CDK14: variants seen among roughly 807,000 people sequenced by gnomAD.
The protein encoded by CDK14 is cyclin dependent kinase 14.
A neutral mutation model predicts 60.7 loss-of-function variants in CDK14; 34 were observed. That is an observed-to-expected ratio of 0.56 (90% CI 0.43 to 0.75). The LOEUF (loss-of-function observed/expected upper bound fraction) is 0.75, where lower values mean the gene tolerates loss of function less well. CDK14 is among the 30% of genes least tolerant of loss of function. The probability of loss-of-function intolerance (pLI) is 0.00; values close to 1 mark genes in which losing one functional copy is unlikely to be tolerated. For synonymous variants in CDK14, 197 were observed against 203.7 expected, an observed-to-expected ratio of 0.97 and a Z score of 0.28; for missense variants, 482 against 564.1, an observed-to-expected ratio of 0.85 and a Z score of 1.47.
At chr7:90,936,041 T>TA (rs11444141) in intron 8 of CDK14, among the ~76,000 whole-genome samples, 23,045 of 146,164 alleles carry the variant, frequency 0.16, 2,015 homozygotes, top group Middle Eastern at 0.28. Context: ...GACCCTGTCT[T>TA]AAAAAAAAAA....
At chr7:90,983,456 G>C (rs1379504330) in intron 9 of CDK14, among the ~76,000 whole-genome samples, 1 of 152,094 alleles carries the variant, frequency 6.6e-6, no homozygotes, top group Non-Finnish European at 1.5e-5. Flanking sequence ...GAGACGGGCG[G>C]ATCACAAGGT....
At position 90,726,917 on chromosome 7, in the gene CDK14, T is replaced by G. The variant is rs1802657890; in HGVS notation, c.369+105T>G. 1.6e-5 allele frequency: 21 copies of G among 1,328,142 alleles called. No individual in the cohort carries two copies. In the South Asian group the frequency reaches 2.9e-4, roughly 19 times the overall value. The allele number at this position is 1,328,142 out of a possible 1,614,324, so 82.3% of individuals were successfully genotyped here. A position where few individuals can be genotyped will look rare whatever the true frequency, so the allele number is the denominator to read the frequency against. ...GCAGGAAACTTTATCAGTGCCTTATTATGCATTCTCTCCCAGGGTGGTTGA... is the reference window on the plus strand; with the variant it reads ...GCAGGAAACTTTATCAGTGCCTTATGATGCATTCTCTCCCAGGGTGGTTGA... On this transcript the variant is annotated intron_variant, in intron 3 of 14. Coordinates refer to ENST00000380050, the MANE Select transcript of CDK14 (RefSeq NM_001287135.2).
intron 7 of CDK14, among the ~76,000 whole-genome samples, chr7:90,909,562 A>AT (rs1312209669): frequency 4.0e-5 from 6 of 151,886 alleles, no homozygotes; most frequent in African/African-American, 1.5e-4. Context: ...CACTTGACTT[A>AT]TTATAAGTCT....
intron 14 of CDK14, among the ~76,000 whole-genome samples, chr7:91,188,283 C>T (rs968219302): frequency 2.6e-5 from 4 of 152,074 alleles, no homozygotes; most frequent in Admixed American, 1.3e-4. Flanking sequence ...TATGTTAACT[C>T]ATACCCTTTA....
intron 14 of CDK14, among the ~76,000 whole-genome samples, chr7:91,197,398 T>A (rs1179273216): frequency 1.1e-5 from 1 of 90,786 alleles, no homozygotes; most frequent in Non-Finnish European, 2.6e-5. Flanking sequence ...AGAGACTCTG[T>A]CTCAAAAAAA....
intron 2 of CDK14, chr7:90,710,481 G>C: frequency 1.0e-6 from 1 of 985,054 alleles, no homozygotes; most frequent in Non-Finnish European, 1.2e-6. Context: ...GAGACCTGGG[G>C]CTTCCTCCCT....
At chr7:90,650,426 G>A (rs1313343032) in intron 2 of CDK14, among the ~76,000 whole-genome samples, 1 of 152,098 alleles carries the variant, frequency 6.6e-6, no homozygotes, top group African/African-American at 2.4e-5. Flanking sequence ...CACTCTGATG[G>A]TAGTTTCTTT....
chr7:90,716,026 C>CT (rs1427839289), intron 2 of CDK14, among the ~76,000 whole-genome samples: 2 of 151,920 alleles, frequency 1.3e-5, no homozygotes, highest in African/African-American at 4.8e-5. Flanking sequence ...ACTCCTGACT[C>CT]TGTCTTTTTT....
intron 2 of CDK14, among the ~76,000 whole-genome samples, chr7:90,677,744 G>T (rs1801230946): frequency 6.6e-6 from 1 of 151,966 alleles, no homozygotes; most frequent in African/African-American, 2.4e-5. Flanking sequence ...TTGATGTTTT[G>T]GTGTCTAAAA....
At chr7:91,044,862 G>A (rs888997871) in intron 10 of CDK14, among the ~76,000 whole-genome samples, 1 of 152,128 alleles carries the variant, frequency 6.6e-6, no homozygotes, top group African/African-American at 2.4e-5. Context: ...CCACATGGCT[G>A]GAGCCTCCCT....
chr7:90,702,340 T>C (rs573772331), intron 2 of CDK14, among the ~76,000 whole-genome samples: 31 of 152,184 alleles, frequency 2.0e-4, no homozygotes, highest in Non-Finnish European at 4.6e-4. Flanking sequence ...ATTTCAGAGT[T>C]GTTAATATCC....
At position 90,630,881 on chromosome 7, in the gene CDK14, G is replaced by GGTGTGTGTGT. The variant is rs1160442832; in HGVS notation, c.123+26638_123+26639insGTGTGTGTGT. ...TTATCTCTGAGTATTTACATCTTGG[G>GGTGTGTGTGT]GTGTGTATGTGTGTGTGTGTGTGTG... On this transcript the variant is annotated intron_variant, in intron 2 of 14. Transcript: ENST00000380050. Among the ~76,000 whole-genome samples, 122 of 78,886 alleles carry GGTGTGTGTGT rather than the reference G, an allele frequency of 1.5e-3. No individual in the cohort carries two copies. In the East Asian group the frequency reaches 0.031, roughly 20 times the overall value. 51.8% of individuals were successfully genotyped at this position (78,886 alleles called of 152,430 possible).
At chr7:91,028,502 T>G (rs746037954) in intron 10 of CDK14, among the ~76,000 whole-genome samples, 22 of 152,348 alleles carry the variant, frequency 1.4e-4, no homozygotes, top group Middle Eastern at 3.4e-3. Context: ...AAGAAATCTC[T>G]ATACTGTATT....
At chr7:90,639,545 T>G (rs1275044953) in intron 2 of CDK14, among the ~76,000 whole-genome samples, 3 of 152,038 alleles carry the variant, frequency 2.0e-5, no homozygotes, top group Non-Finnish European at 4.4e-5. Flanking sequence ...CCTACTGGGG[T>G]GTGCCTCCCA....
At chr7:90,994,104 A>G (rs747910165) in intron 10 of CDK14, among the ~76,000 whole-genome samples, 3 of 152,156 alleles carry the variant, frequency 2.0e-5, no homozygotes, top group African/African-American at 7.2e-5. Context: ...TAAATAAACA[A>G]TAGTCATTTT....
intron 8 of CDK14, among the ~76,000 whole-genome samples, chr7:90,930,528 G>A (rs1280970939): frequency 1.0e-5 from 1 of 99,724 alleles, no homozygotes; most frequent in African/African-American, 4.5e-5. Flanking sequence ...CACAGGCTAA[G>A]CTTTTTTTTT....
chr7:90,931,036 T>G (rs1793577212), intron 8 of CDK14, among the ~76,000 whole-genome samples: 1 of 152,202 alleles, frequency 6.6e-6, no homozygotes, highest in African/African-American at 2.4e-5. Flanking sequence ...TGATTTTTAT[T>G]ATGATCAGTG....
At chr7:91,094,927 C>T (rs986044704) in intron 12 of CDK14, among the ~76,000 whole-genome samples, 11 of 152,080 alleles carry the variant, frequency 7.2e-5, no homozygotes, top group Admixed American at 6.5e-4. Flanking sequence ...TCATTTACTG[C>T]GGATGTCCCT....
chr7:91,188,666 G>GT (rs1171950211), intron 14 of CDK14, among the ~76,000 whole-genome samples: 2 of 152,156 alleles, frequency 1.3e-5, no homozygotes, highest in Non-Finnish European at 2.9e-5. Context: ...AGCCCAAATC[G>GT]TCTGTCTTGG....
Sources: allele counts gnomAD v4.1 joint callset (sites outside exome capture counted in the v4.1 genomes callset), GRCh38; gene constraint gnomAD v4.1.1; transcripts MANE v1.5; gene names NCBI Gene and HGNC (gene_info 2026-07-23, HGNC 2026-07-21).